TMEM232: variants seen among roughly 807,000 people sequenced by gnomAD.
The protein encoded by TMEM232 is transmembrane protein 232.
Under a neutral mutation model 78.8 loss-of-function variants are expected in TMEM232, and 80 were observed. The ratio of observed to expected loss-of-function variants is 1.01; its 90% confidence interval spans 0.85 to 1.22. The LOEUF is 1.22. Ranked by LOEUF, TMEM232 falls within the 50% of genes most tolerant of loss-of-function variation. The pLI, the probability that TMEM232 is intolerant of heterozygous loss-of-function variation, is 0.00. For synonymous variants in TMEM232, 297 were observed against 254.3 expected, an observed-to-expected ratio of 1.17 and a Z score of -1.60; for missense variants, 881 against 742.2, an observed-to-expected ratio of 1.19 and a Z score of -2.17.
intron 11 of TMEM232, among the ~76,000 whole-genome samples, chr5:110,548,797 G>T (rs535635197): frequency 6.6e-6 from 1 of 152,078 alleles, no homozygotes; most frequent in South Asian, 2.1e-4. Context: ...TTAAAAGATG[G>T]AAATAGATAT....
At chr5:110,518,981 A>T (rs1236165135) in intron 12 of TMEM232, among the ~76,000 whole-genome samples, 1 of 152,136 alleles carries the variant, frequency 6.6e-6, no homozygotes, top group Non-Finnish European at 1.5e-5. Context: ...TAGCTAAACT[A>T]GCTAAGGTGA....
intron 10 of TMEM232, among the ~76,000 whole-genome samples, chr5:110,583,383 T>C (rs574608661): frequency 1.1e-4 from 17 of 152,022 alleles, no homozygotes; most frequent in East Asian, 5.8e-4. Flanking sequence ...ACCATGAATA[T>C]ATAATGGGAA....
rs993214083 is a variant in TMEM232, at chr5:110,507,803, A to AT, written c.1703+20784dup. Reference sequence around the variant, plus strand: ...GTGAGGATGAGTATGTCAGATTTCTATTTTTTTTAAATGCACAGCCTTTAG... The same window carrying AT: ...GTGAGGATGAGTATGTCAGATTTCTATTTTTTTTTAAATGCACAGCCTTTAG... On this transcript the variant is annotated intron_variant, in intron 12 of 13. Transcript: ENST00000455884. 5.9e-5 allele frequency among the ~76,000 whole-genome samples: 9 copies of AT among 152,162 alleles called. No homozygotes were observed. In the South Asian group the frequency reaches 6.2e-4, roughly 11 times the overall value.
chr5:110,508,990 G>GTATA (rs1767344348), intron 12 of TMEM232, among the ~76,000 whole-genome samples: 1 of 125,348 alleles, frequency 8.0e-6, no homozygotes, highest in African/African-American at 3.5e-5. Context: ...TTATATATGT[G>GTATA]TATATATGTA....
At chr5:110,672,070 G>C (rs952896276) in intron 1 of TMEM232, among the ~76,000 whole-genome samples, 2 of 152,018 alleles carry the variant, frequency 1.3e-5, no homozygotes, top group Non-Finnish European at 2.9e-5. Flanking sequence ...GGAAATTGAA[G>C]GCTAAAACTG....
At chr5:110,462,416 G>A (rs1761632045) in intron 12 of TMEM232, among the ~76,000 whole-genome samples, 1 of 152,146 alleles carries the variant, frequency 6.6e-6, no homozygotes, top group Admixed American at 6.5e-5. Context: ...CCTCAATCTG[G>A]GTGGGCACCA....
intron 11 of TMEM232, among the ~76,000 whole-genome samples, chr5:110,542,906 G>T (rs996534229): frequency 5.9e-5 from 9 of 152,036 alleles, no homozygotes; most frequent in Non-Finnish European, 1.2e-4. Flanking sequence ...TTTACATAGG[G>T]TGTACACCAA....
chr5:110,470,102 A>C (rs769278168), intron 12 of TMEM232, among the ~76,000 whole-genome samples: 7 of 152,094 alleles, frequency 4.6e-5, no homozygotes, highest in Non-Finnish European at 7.4e-5. Context: ...TCACTGCTAC[A>C]CAGTGCCTCA....
At chr5:110,703,638 A>AG (rs1795648351) in intron 1 of TMEM232, among the ~76,000 whole-genome samples, 1 of 152,072 alleles carries the variant, frequency 6.6e-6, no homozygotes, top group Non-Finnish European at 1.5e-5. Context: ...ATTTTCTTGT[A>AG]GAACAGCCAC....
chr5:110,554,493 G>A (rs1210948240), intron 11 of TMEM232, among the ~76,000 whole-genome samples: 1 of 152,104 alleles, frequency 6.6e-6, no homozygotes, highest in Admixed American at 6.6e-5. Context: ...TTTCCCTCTA[G>A]AGAACCCTCA....
rs561878718 is a variant in TMEM232, at chr5:110,401,621, G to A, written n.309-3767C>T. Among the ~76,000 whole-genome samples, 22 of 152,106 alleles carry A rather than the reference G, an allele frequency of 1.4e-4. 1 individual carries two copies. Among genetic ancestry groups the A allele is most frequent in the Admixed American group, 5.9e-4 (9 of 15,262 alleles). The stretch of plus-strand genomic sequence containing the variant: ...AAATAAATTTTCCTTTGCTGAAGTG[G>A]TGTGCTTAATAAGTGTTTGCCATGC... On this transcript the variant is annotated intron_variant and non_coding_transcript_variant, in intron 2 of 8. Transcript: ENST00000507188.
intron 1 of TMEM232, chr5:110,725,606 G>A (rs1798073243): frequency 1.3e-5 from 2 of 152,186 alleles, no homozygotes; most frequent in African/African-American, 4.8e-5. Flanking sequence ...AATCAAGTAT[G>A]TATGTGGATT....
At chr5:110,550,523 G>C (rs144095562) in intron 11 of TMEM232, among the ~76,000 whole-genome samples, 22 of 152,016 alleles carry the variant, frequency 1.4e-4, no homozygotes. Flanking sequence ...AATGTAATAA[G>C]ATTGGTGGGT....
downstream of TMEM232, among the ~76,000 whole-genome samples, chr5:110,417,437 C>T (rs1756264634): frequency 6.6e-6 from 1 of 152,036 alleles, no homozygotes; most frequent in Non-Finnish European, 1.5e-5. Flanking sequence ...ACTCAGAATC[C>T]TTTGTGAGTT....
intron 10 of TMEM232, among the ~76,000 whole-genome samples, chr5:110,569,915 A>T (rs1341821884): frequency 6.6e-6 from 1 of 151,958 alleles, no homozygotes; most frequent in Non-Finnish European, 1.5e-5. Flanking sequence ...AGGCTGGTCT[A>T]ATCCTGTCCC....
chr5:110,598,576 G>T (rs1435505796), intron 10 of TMEM232, among the ~76,000 whole-genome samples: 1 of 151,970 alleles, frequency 6.6e-6, no homozygotes, highest in Non-Finnish European at 1.5e-5. Context: ...GTTTATTGCG[G>T]CACTATTCAC....
chr5:110,466,043 TATTG>T (rs942812499), intron 12 of TMEM232, among the ~76,000 whole-genome samples: 23 of 152,136 alleles, frequency 1.5e-4, no homozygotes, highest in African/African-American at 5.1e-4. Context: ...TACAAAATAA[TATTG>T]ATTATGTAAA....
At chr5:110,703,609 T>G (rs1795645044) in intron 1 of TMEM232, among the ~76,000 whole-genome samples, 1 of 152,040 alleles carries the variant, frequency 6.6e-6, no homozygotes, top group Non-Finnish European at 1.5e-5. Flanking sequence ...ATGTGCATGT[T>G]TTCTCATTAT....
intron 12 of TMEM232, among the ~76,000 whole-genome samples, chr5:110,519,974 TAGTGAAG>T (rs1288760365): frequency 1.4e-5 from 2 of 148,058 alleles, no homozygotes; most frequent in African/African-American, 2.5e-5. Context: ...TCAGGAGGAG[TAGTGAAG>T]AGTGAAGAGG....
Sources: gnomAD v4.1 joint callset for allele counts (sites outside exome capture counted in the v4.1 genomes callset) on GRCh38, gnomAD v4.1.1 for gene constraint, MANE v1.5 for transcripts, NCBI Gene and HGNC (gene_info 2026-07-23, HGNC 2026-07-21) for gene names.